ASTN2: variants seen among roughly 807,000 people sequenced by gnomAD.
ASTN2 encodes the protein astrotactin-2.
Under a neutral mutation model 139.8 loss-of-function variants are expected in ASTN2, and 54 were observed. The ratio of observed to expected loss-of-function variants is 0.39; its 90% CI spans 0.31 to 0.48. ASTN2 has a LOEUF of 0.48. Among genes scored for constraint, ASTN2 ranks in the 20% least tolerant of loss-of-function variants. ASTN2 has a pLI of 0.95. For missense variants in ASTN2, 1,565 were observed against 1,725.1 expected (o/e 0.91, Z 1.64); for synonymous variants, 756 against 719.5 (o/e 1.05, Z -0.81).
intron 5 of ASTN2, among the ~76,000 whole-genome samples, chr9:117,089,889 T>A (rs1190114731): frequency 1.5e-5 from 2 of 137,918 alleles, no homozygotes; most frequent in Non-Finnish European, 3.2e-5. Context: ...TAGTATTCCA[T>A]CATGTATATA....
chr9:116,640,548 CAA>C (rs1172079755), intron 17 of ASTN2, among the ~76,000 whole-genome samples: 1 of 152,154 alleles, frequency 6.6e-6, no homozygotes, highest in Non-Finnish European at 1.5e-5. Flanking sequence ...ATAGCCTGTG[CAA>C]AGTCTCTTTG....
intron 4 of ASTN2, 140 bp from the exon 5 acceptor site, chr9:117,096,291 A>T (rs761350501): frequency 6.0e-6 from 4 of 663,814 alleles, no homozygotes; most frequent in Non-Finnish European, 1.1e-5. Flanking sequence ...CAGTGTGATA[A>T]ATGGAAGGAG....
chr9:117,273,277 C>A (rs1364798828), intron 2 of ASTN2, among the ~76,000 whole-genome samples: 3 of 152,176 alleles, frequency 2.0e-5, no homozygotes, highest in Non-Finnish European at 4.4e-5. Context: ...AATTACCTCC[C>A]CTTGGGTCCT....
At chr9:117,106,801 T>C (rs2132776928) in intron 4 of ASTN2, among the ~76,000 whole-genome samples, 1 of 152,312 alleles carries the variant, frequency 6.6e-6, no homozygotes, top group South Asian at 2.1e-4. Context: ...TGTCTATCTA[T>C]CTATCTATCT....
rs986131749 is a variant in ASTN2, at chr9:117,210,897, C to T, written c.1015+3461G>A. 2.9e-5 allele frequency among the ~76,000 whole-genome samples: 4 copies of T among 139,034 alleles called. No homozygotes were observed. In the South Asian group the frequency reaches 6.7e-4, roughly 23 times the overall value. 91.2% of individuals were successfully genotyped at this position (139,034 alleles called of 152,430 possible). ...CCCAGGTATGCAAGGATAATATATG[C>T]AAATCAATAAACATATTTCACATCA... is the stretch of plus-strand genomic sequence containing the variant. On this transcript the variant is annotated intron_variant, in intron 3 of 22. Coordinates refer to ENST00000313400, the MANE Select transcript of ASTN2 (RefSeq NM_001365068.1).
At chr9:117,194,540 C>T (rs557647196) in intron 3 of ASTN2, among the ~76,000 whole-genome samples, 13 of 152,298 alleles carry the variant, frequency 8.5e-5, no homozygotes, top group South Asian at 2.1e-4. Flanking sequence ...CACATTCACA[C>T]GTGAATATGT....
chr9:116,736,426 C>G (rs1303665954), intron 13 of ASTN2, among the ~76,000 whole-genome samples: 1 of 152,146 alleles, frequency 6.6e-6, no homozygotes, highest in Non-Finnish European at 1.5e-5. Flanking sequence ...CATCCTAGCA[C>G]TCCTCATCAC....
At chr9:116,753,475 A>G (rs1356144199) in intron 13 of ASTN2, among the ~76,000 whole-genome samples, 1 of 152,234 alleles carries the variant, frequency 6.6e-6, no homozygotes, top group African/African-American at 2.4e-5. Flanking sequence ...AACCCATAGA[A>G]CTATACAACA....
chr9:117,110,773 GTAGTC>G (rs1490192682), intron 4 of ASTN2, among the ~76,000 whole-genome samples: 1 of 152,190 alleles, frequency 6.6e-6, no homozygotes, highest in Non-Finnish European at 1.5e-5. Context: ...TCCTTTGAGG[GTAGTC>G]TACACTTACA....
intron 13 of ASTN2, among the ~76,000 whole-genome samples, chr9:116,741,652 G>A (rs1829099370): frequency 6.6e-6 from 1 of 152,170 alleles, no homozygotes; most frequent in African/African-American, 2.4e-5. Context: ...CTGGAACTGA[G>A]AAGAATGGGC....
intron 16 of ASTN2, among the ~76,000 whole-genome samples, chr9:116,713,744 T>C (rs567913395): frequency 8.5e-5 from 13 of 152,294 alleles, no homozygotes; most frequent in African/African-American, 2.9e-4. Flanking sequence ...GGGTTGTATA[T>C]CTTACCCCTC....
chr9:116,650,919 T>C (rs1857871839), intron 17 of ASTN2, among the ~76,000 whole-genome samples: 1 of 125,282 alleles, frequency 8.0e-6, no homozygotes, highest in Admixed American at 7.5e-5. Context: ...CCTGCACTAC[T>C]TTTTTTTTTT....
chr9:117,344,199 T>C (rs1427566890), intron 1 of ASTN2, among the ~76,000 whole-genome samples: 1 of 151,268 alleles, frequency 6.6e-6, no homozygotes, highest in Non-Finnish European at 1.5e-5. Flanking sequence ...AAAAAACCCA[T>C]CCCCAAAAGC....
At chr9:116,764,428 ACTT>A (rs1215308833) in intron 13 of ASTN2, among the ~76,000 whole-genome samples, 1 of 152,116 alleles carries the variant, frequency 6.6e-6, no homozygotes, top group Non-Finnish European at 1.5e-5. Flanking sequence ...GGGCAGCTGA[ACTT>A]CTTCTCCCTG....
At chr9:117,037,100 T>C (rs1233399953) in intron 6 of ASTN2, among the ~76,000 whole-genome samples, 1 of 152,152 alleles carries the variant, frequency 6.6e-6, no homozygotes. Flanking sequence ...ATATCCATTA[T>C]GGACAAGGCA....
At chr9:116,606,557 T>C (rs917951845) in intron 19 of ASTN2, among the ~76,000 whole-genome samples, 11 of 152,146 alleles carry the variant, frequency 7.2e-5, no homozygotes, top group African/African-American at 2.7e-4. Context: ...TTCAGAGAGA[T>C]CAAAGGATAA....
chr9:116,976,684 T>A lies in ASTN2; in HGVS notation c.1676+17A>T. 6.2e-7 allele frequency: 1 copy of A among 1,613,436 alleles called. No individual in the cohort carries two copies. The highest frequency in any genetic ancestry group is 8.5e-7 in the Non-Finnish European group (1 of 1,179,406). On this transcript the variant is annotated intron_variant, in intron 8 of 22. Transcript: ENST00000313400. ...GGGTCCTGCACTGTCCTGGACCTGA[T>A]GCCCTTTGCCACTCACCCTTCACTC...
At chr9:116,926,722 A>G (rs145079618) in intron 10 of ASTN2, among the ~76,000 whole-genome samples, 1 of 152,290 alleles carries the variant, frequency 6.6e-6, no homozygotes, top group African/African-American at 2.4e-5. Flanking sequence ...TAAAATTCCT[A>G]TTTTACAGAT....
At chr9:117,109,810 T>G (rs1829205093) in intron 4 of ASTN2, among the ~76,000 whole-genome samples, 1 of 152,242 alleles carries the variant, frequency 6.6e-6, no homozygotes, top group South Asian at 2.1e-4. Context: ...TTGACAATTT[T>G]GAAGCCTCAG....
Sources: gnomAD v4.1 joint callset for allele counts (sites outside exome capture counted in the v4.1 genomes callset) on GRCh38, gnomAD v4.1.1 for gene constraint, MANE v1.5 for transcripts, NCBI Gene and HGNC (gene_info 2026-07-23, HGNC 2026-07-21) for gene names.